The following CHD9 variants were observed in gnomAD, a reference collection of about 807,000 sequenced individuals.
CHD9 encodes chromodomain helicase DNA binding protein 9.
In CHD9, 77 loss-of-function variants were observed where a neutral mutation model predicts 316.1. The observed-to-expected ratio is 0.24, with a 90% confidence interval of 0.20 to 0.29. The LOEUF is 0.29. Ranked by LOEUF, CHD9 falls within the 10% of genes least tolerant of loss-of-function variation. The probability of loss-of-function intolerance (pLI) is 1.00; values close to 1 mark genes in which losing one functional copy is unlikely to be tolerated. For synonymous variants in CHD9, 1,129 were observed against 1,158.3 expected (o/e 0.97, Z 0.51); for missense variants, 2,763 against 3,438.1 (o/e 0.80, Z 4.91).
At chr16:53,153,179 C>T (rs1438958439) in intron 1 of CHD9, among the ~76,000 whole-genome samples, 1 of 152,040 alleles carries the variant, frequency 6.6e-6, no homozygotes. Flanking sequence ...GAGAGAATGG[C>T]AACAAGTAAA....
chr16:53,250,097 C>T lies in CHD9; in HGVS notation c.3861+31C>T, dbSNP rs182480643. 3.0e-4 allele frequency: 454 copies of T among 1,536,398 alleles called. 2 individuals carry two copies. In the African/African-American group the frequency reaches 4.6e-3, roughly 16 times the overall value. On this transcript the variant is annotated intron_variant, in intron 17 of 38. Transcript: ENST00000447540. ...TAATTTCCTTGGCTAACAAAAAATG[C>T]ATTTTTTAAAAAAGTAAAATTGTGT...
chr16:53,145,832 A>G (rs1404486383), intron 1 of CHD9, among the ~76,000 whole-genome samples: 1 of 152,164 alleles, frequency 6.6e-6, no homozygotes, highest in Non-Finnish European at 1.5e-5. Flanking sequence ...ATCTTCATGA[A>G]AAAACAATCG....
intron 1 of CHD9, among the ~76,000 whole-genome samples, chr16:53,115,146 T>G (rs1234685132): frequency 6.6e-6 from 1 of 152,204 alleles, no homozygotes; most frequent in Non-Finnish European, 1.5e-5. Context: ...TGCCTAAGGC[T>G]GCCTCTTGTG....
intron 2 of CHD9, among the ~76,000 whole-genome samples, chr16:53,178,497 A>T (rs1332730917): frequency 1.3e-5 from 2 of 150,358 alleles, no homozygotes; most frequent in African/African-American, 2.5e-5. Context: ...TAGTGGCGCA[A>T]ACATGGCTCA....
chr16:53,324,708 C>T lies in CHD9; in HGVS notation c.8507C>T (p.Ser2836Leu), dbSNP rs372641426. The T allele has an allele frequency of 1.6e-4, 252 of 1,612,716 alleles. No homozygotes were observed. Among genetic ancestry groups the T allele is most frequent in the Admixed American group, 5.3e-4 (32 of 59,842 alleles). Residue 2836 changes from serine to leucine, a missense_variant, in exon 39 of 39, where the codon TCG becomes TTG. Ser to Leu is a moderately radical substitution (Grantham distance 145). Around this residue, in one of 15 missense-constraint regions of CHD9, gnomAD observed 298 missense variants for 380.2 expected, o/e 0.78. Transcript: ENST00000447540. ...DVQNKNSDLG[S>L]SKSVEVKEED... Reference sequence around the variant, plus strand: ...CAAAACAAAAACAGTGACTTAGGCTCGTCTAAGTCTGTAGAAGTAAAAGAA... The same window carrying T: ...CAAAACAAAAACAGTGACTTAGGCTTGTCTAAGTCTGTAGAAGTAAAAGAA...
At chr16:53,144,334 G>A (rs1426704319) in intron 1 of CHD9, among the ~76,000 whole-genome samples, 1 of 152,014 alleles carries the variant, frequency 6.6e-6, no homozygotes, top group African/African-American at 2.4e-5. Flanking sequence ...GAGGAAACAG[G>A]GCCGGAGTTG....
At chr16:53,153,925 A>C (rs1338528591) in intron 1 of CHD9, among the ~76,000 whole-genome samples, 1 of 152,216 alleles carries the variant, frequency 6.6e-6, no homozygotes, top group Non-Finnish European at 1.5e-5. Context: ...TTATTCTGGC[A>C]TGTGAGTATC....
chr16:53,090,809 A>T (rs986144012), intron 1 of CHD9, among the ~76,000 whole-genome samples: 2 of 152,154 alleles, frequency 1.3e-5, no homozygotes, highest in Non-Finnish European at 2.9e-5. Context: ...TCCTTTTCAC[A>T]GTGGTGAGTG....
intron 34 of CHD9, among the ~76,000 whole-genome samples, chr16:53,312,968 G>A (rs1453771707): frequency 1.3e-5 from 2 of 152,048 alleles, no homozygotes; most frequent in Non-Finnish European, 2.9e-5. Context: ...CTTTTAATAA[G>A]AGAATTCAAG....
chr16:53,273,594 T>C, intron 22 of CHD9, 32 bp from the exon 23 acceptor site: 1 of 1,488,942 alleles, frequency 6.7e-7, no homozygotes, highest in South Asian at 1.3e-5. Flanking sequence ...TTATACAAAT[T>C]ATTCCTAATT....
At chr16:53,202,032 A>AT (rs79699773) in intron 2 of CHD9, among the ~76,000 whole-genome samples, 7 of 149,148 alleles carry the variant, frequency 4.7e-5, no homozygotes, top group South Asian at 2.1e-4. Context: ...CTAAGTTTAA[A>AT]TTTTTTTTTT....
chr16:53,186,608 A>G (rs139242778), intron 2 of CHD9, among the ~76,000 whole-genome samples: 1 of 152,314 alleles, frequency 6.6e-6, no homozygotes, highest in East Asian at 1.9e-4. Flanking sequence ...CAGGGGCAGA[A>G]TGATATGGTT....
At chr16:53,255,530 C>A in intron 18 of CHD9, 70 bp from the exon 19 acceptor site, 1 of 1,409,406 alleles carries the variant, frequency 7.1e-7, no homozygotes, top group Non-Finnish European at 9.8e-7. Flanking sequence ...CTTTGACATC[C>A]TTTAGGGATA....
chr16:53,111,842 T>C (rs1197003256), intron 1 of CHD9, among the ~76,000 whole-genome samples: 6 of 152,242 alleles, frequency 3.9e-5, no homozygotes, highest in Non-Finnish European at 2.9e-5. Flanking sequence ...AGAACAAGTC[T>C]GAAAATCACT....
intron 1 of CHD9, among the ~76,000 whole-genome samples, chr16:53,104,392 T>C (rs906352056): frequency 6.6e-6 from 1 of 152,208 alleles, no homozygotes; most frequent in Admixed American, 6.5e-5. Flanking sequence ...TGGGTACTTC[T>C]CCTTCCTTGA....
intron 17 of CHD9, among the ~76,000 whole-genome samples, chr16:53,253,499 T>C (rs531869832): frequency 6.6e-5 from 10 of 152,276 alleles, no homozygotes; most frequent in African/African-American, 2.4e-4. Context: ...CAGTGTATAC[T>C]GCTTAGGTGA....
intron 1 of CHD9, among the ~76,000 whole-genome samples, chr16:53,129,223 A>G (rs1002754666): frequency 1.3e-5 from 2 of 152,218 alleles, no homozygotes; most frequent in African/African-American, 4.8e-5. Context: ...AGGCCGCTCA[A>G]GTTTTTCATT....
At chr16:53,150,834 T>C (rs533137344) in intron 1 of CHD9, among the ~76,000 whole-genome samples, 1 of 152,348 alleles carries the variant, frequency 6.6e-6, no homozygotes, top group South Asian at 2.1e-4. Flanking sequence ...TGATGAGAAA[T>C]CCACTTGTAT....
intron 3 of CHD9, among the ~76,000 whole-genome samples, chr16:53,222,037 C>G (rs574036722): frequency 1.3e-5 from 2 of 149,974 alleles, no homozygotes; most frequent in Admixed American, 6.6e-5. Context: ...TTTTTTTTAC[C>G]TGCTAAATTT....
Sources: gnomAD v4.1 joint callset for allele counts (sites outside exome capture counted in the v4.1 genomes callset) on GRCh38, gnomAD v4.1.1 for gene constraint, gnomAD v4.1.1 regional missense constraint, MANE v1.5 for transcripts, NCBI Gene and HGNC (gene_info 2026-07-23, HGNC 2026-07-21) for gene names.